The following RASEF variants were observed in gnomAD, a reference collection of about 807,000 sequenced individuals.
RASEF encodes RAS and EF-hand domain containing, also known as ras and EF-hand domain-containing protein.
RASEF carries 68 observed loss-of-function variants against 90.1 expected under a neutral mutation model. That is an observed-to-expected ratio of 0.75 (90% CI 0.62 to 0.92). The LOEUF is 0.92. RASEF is among the 40% of genes least tolerant of loss of function. RASEF has a pLI of 0.00. For missense variants in RASEF, 949 were observed against 937.2 expected, an observed-to-expected ratio of 1.01 and a Z score of -0.16; for synonymous variants, 331 against 345.2, an observed-to-expected ratio of 0.96 and a Z score of 0.46.
chr9:83,005,000 G>C (rs1829102738), intron 8 of RASEF, among the ~76,000 whole-genome samples: 1 of 152,134 alleles, frequency 6.6e-6, no homozygotes. Flanking sequence ...AGTGGGATAA[G>C]AGGTCTTATG....
At chr9:82,996,673 C>T (rs1402191349) in intron 14 of RASEF, among the ~76,000 whole-genome samples, 3 of 152,212 alleles carry the variant, frequency 2.0e-5, no homozygotes, top group African/African-American at 7.2e-5. Flanking sequence ...CTACACTACA[C>T]AACCAACCAC....
intron 4 of RASEF, among the ~76,000 whole-genome samples, chr9:83,014,121 C>T (rs143854376): frequency 1.3e-5 from 2 of 152,294 alleles, no homozygotes; most frequent in East Asian, 1.9e-4. Context: ...CTAGCATAAA[C>T]AGAAGATTCG....
the RASEF span, among the ~76,000 whole-genome samples, chr9:83,197,372 T>C: frequency 1.6e-3 from 240 of 152,296 alleles, 5 homozygotes; most frequent in Non-Finnish European, 1.5e-3. Context: ...AGGCTATGAC[T>C]TAACTAATTC....
At chr9:83,078,194 G>C in the RASEF span, among the ~76,000 whole-genome samples, 1 of 152,146 alleles carries the variant, frequency 6.6e-6, no homozygotes, top group Non-Finnish European at 1.5e-5. Flanking sequence ...GATAAAACTT[G>C]AGAATCACTG....
chr9:83,179,499 A>C, the RASEF span, among the ~76,000 whole-genome samples: 3 of 152,178 alleles, frequency 2.0e-5, no homozygotes, highest in African/African-American at 7.2e-5. Context: ...TAAAAAGGAA[A>C]GCCTTTAGTA....
At chr9:82,989,737 C>T (rs368978303) in intron 16 of RASEF, among the ~76,000 whole-genome samples, 3 of 152,046 alleles carry the variant, frequency 2.0e-5, no homozygotes, top group African/African-American at 7.2e-5. Context: ...TGATTTTTTT[C>T]CTTTTTGTGA....
At position 82,982,187 on chromosome 9, in the gene RASEF, TGAA is replaced by T. The variant is rs1349765329; in HGVS notation, c.*487_*489del. On this transcript the variant is annotated 3_prime_UTR_variant, in exon 17 of 17. Transcript: ENST00000376447. ...GAGGGCAAGCTGCACATTTTACAGA[TGAA>T]GAAACAGATCCGACATGGGCTTGTG... The T allele has an allele frequency of 1.3e-5, 2 of 153,114 alleles. No homozygotes were observed. The highest frequency in any genetic ancestry group is 4.8e-5 in the African/African-American group (2 of 41,446). 9.5% of individuals were successfully genotyped at this position (153,114 alleles called of 1,614,324 possible).
At chr9:83,196,022 C>T in the RASEF span, among the ~76,000 whole-genome samples, 16 of 151,940 alleles carry the variant, frequency 1.1e-4, no homozygotes, top group East Asian at 1.9e-4. Flanking sequence ...GCAGTGGACA[C>T]GGCACACGAA....
chr9:83,007,913 TCATCTAAAG>T (rs1829163761), intron 6 of RASEF, among the ~76,000 whole-genome samples: 1 of 152,162 alleles, frequency 6.6e-6, no homozygotes, highest in Non-Finnish European at 1.5e-5. Context: ...CCTTCCCTGC[TCATCTAAAG>T]CCTTATATAA....
intron 1 of RASEF, among the ~76,000 whole-genome samples, chr9:83,037,065 T>A (rs1829754851): frequency 6.6e-6 from 1 of 152,152 alleles, no homozygotes; most frequent in Non-Finnish European, 1.5e-5. Flanking sequence ...ACAACCATAT[T>A]CTTCAGAGTC....
At chr9:83,108,458 A>C in the RASEF span, among the ~76,000 whole-genome samples, 7 of 152,142 alleles carry the variant, frequency 4.6e-5, no homozygotes, top group African/African-American at 1.7e-4. Flanking sequence ...AATATTTACT[A>C]TCTGGCTCTT....
the RASEF span, among the ~76,000 whole-genome samples, chr9:83,120,546 A>G: frequency 6.6e-6 from 1 of 152,082 alleles, no homozygotes; most frequent in Admixed American, 6.6e-5. Context: ...CAAGAAATAA[A>G]CCTTTGTTCT....
chr9:83,004,577 T>C lies in RASEF; in HGVS notation c.1123A>G (p.Asn375Asp). ...GAAATTGTATTCCCTGGTGAGATATTATTTATATGCTGTAATATAGAAGTA... is the reference window on the plus strand; with the variant it reads ...GAAATTGTATTCCCTGGTGAGATATCATTTATATGCTGTAATATAGAAGTA... The part of the protein sequence containing the change: ...SKFNRSLHIN[N>D]ISPGNTISRS... The change falls in exon 9 of 17, where the codon AAT becomes GAT. Residue 375 changes from asparagine (N) to aspartate (D), a missense_variant. Coordinates refer to ENST00000376447, the MANE Select transcript of RASEF (RefSeq NM_152573.4). 2 of 1,563,514 alleles carry C rather than the reference T, an allele frequency of 1.3e-6. No homozygotes were observed. The highest frequency in any genetic ancestry group is 1.8e-6 in the Non-Finnish European group (2 of 1,133,996).
chr9:83,144,379 GAAA>G, the RASEF span, among the ~76,000 whole-genome samples: 238 of 23,630 alleles, frequency 0.01, 1 homozygote, highest in Admixed American at 0.025. Context: ...AAGAAAGAAA[GAAA>G]GAAAGAAAGG....
At chr9:83,196,388 T>C in the RASEF span, among the ~76,000 whole-genome samples, 2 of 152,036 alleles carry the variant, frequency 1.3e-5, no homozygotes, top group South Asian at 2.1e-4. Context: ...TTGAATAATA[T>C]AAAACATTTA....
intron 1 of RASEF, among the ~76,000 whole-genome samples, chr9:83,058,172 CTTTTTTTTTTTTTTT>C (rs555842009): frequency 8.6e-5 from 5 of 57,888 alleles, no homozygotes; most frequent in Non-Finnish European, 1.6e-4. Flanking sequence ...GTATTTATGT[CTTTTTTTTTTTTTTT>C]TTTTTTTTTT....
intron 3 of RASEF, among the ~76,000 whole-genome samples, chr9:83,020,713 A>G (rs1829427777): frequency 6.6e-6 from 1 of 152,222 alleles, no homozygotes. Flanking sequence ...AAATTCTAAA[A>G]GGTGGGGGCC....
chr9:83,127,633 G>A, the RASEF span, among the ~76,000 whole-genome samples: 72,741 of 151,982 alleles, frequency 0.48, 17,700 homozygotes, highest in East Asian at 0.79. Flanking sequence ...CAAGAGACTG[G>A]GAGCAAGAAA....
At chr9:83,154,287 C>G in the RASEF span, among the ~76,000 whole-genome samples, 1 of 152,298 alleles carries the variant, frequency 6.6e-6, no homozygotes, top group East Asian at 1.9e-4. Context: ...ACTACACAGT[C>G]TTCTGCAAAT....
Sources: gnomAD v4.1 joint callset for allele counts (sites outside exome capture counted in the v4.1 genomes callset) on GRCh38, gnomAD v4.1.1 for gene constraint, MANE v1.5 for transcripts, NCBI Gene and HGNC (gene_info 2026-07-23, HGNC 2026-07-21) for gene names.